The following ZNF292 variants were observed in gnomAD, a reference collection of about 807,000 sequenced individuals.
ZNF292 encodes the protein zinc finger protein 292.
In ZNF292, 26 loss-of-function variants were observed where a neutral mutation model predicts 217.9. The ratio of observed to expected loss-of-function variants is 0.12; its 90% CI spans 0.09 to 0.17. The LOEUF (loss-of-function observed/expected upper bound fraction) is 0.17. Ranked by LOEUF, ZNF292 falls within the 10% of genes least tolerant of loss-of-function variation. The probability of loss-of-function intolerance (pLI) is 1.00; values close to 1 mark genes in which losing one functional copy is unlikely to be tolerated. For synonymous variants in ZNF292, 1,257 were observed against 1,124.1 expected (o/e 1.12, Z -2.37); for missense variants, 2,904 against 3,175.2 (o/e 0.91, Z 2.05).
chr6:87,213,423 G>C (rs1450233708), intron 1 of ZNF292, among the ~76,000 whole-genome samples: 1 of 152,202 alleles, frequency 6.6e-6, no homozygotes, highest in African/African-American at 2.4e-5. Context: ...AGGAGTTCTT[G>C]TTCCTGACGC....
At position 87,261,563 on chromosome 6, in the gene ZNF292, G is replaced by C. The variant is rs201876927; in HGVS notation, c.7934G>C (p.Cys2645Ser). Residue 2645 changes from cysteine (C) to serine (S), a missense_variant, in exon 8 of 8, where the codon TGT becomes TCT. Coordinates refer to ENST00000369577, the MANE Select transcript of ZNF292 (RefSeq NM_015021.3). ...ACTAGTGGAAATCATGTATGTCCTT[G>C]TAAAGAAAGCGAAACGTTTGTACAG... Reference protein sequence around the residue: ...AVTSGNHVCPCKESETFVQFA... With the variant: ...AVTSGNHVCPSKESETFVQFA... 429 of 1,610,236 alleles carry C rather than the reference G, an allele frequency of 2.7e-4. No individual in the cohort carries two copies. Among genetic ancestry groups the C allele is most frequent in the Admixed American group, 3.7e-4 (22 of 59,360 alleles).
intron 6 of ZNF292, among the ~76,000 whole-genome samples, chr6:87,243,913 T>A (rs543948788): frequency 4.0e-4 from 61 of 152,332 alleles, no homozygotes; most frequent in African/African-American, 1.4e-3. Context: ...AACATTTTTT[T>A]AGATATGTAA....
intron 3 of ZNF292, among the ~76,000 whole-genome samples, chr6:87,216,850 A>T (rs1025370686): frequency 6.6e-6 from 1 of 152,032 alleles, no homozygotes; most frequent in Non-Finnish European, 1.5e-5. Flanking sequence ...AGTTATTCGA[A>T]CTAAGGTTCT....
intron 1 of ZNF292, among the ~76,000 whole-genome samples, chr6:87,213,424 T>C (rs1013453586): frequency 1.3e-5 from 2 of 152,230 alleles, no homozygotes; most frequent in African/African-American, 4.8e-5. Flanking sequence ...GGAGTTCTTG[T>C]TCCTGACGCA....
At chr6:87,174,105 T>A (rs1771200156) in intron 1 of ZNF292, 1 of 162,212 alleles carries the variant, frequency 6.2e-6, no homozygotes, top group African/African-American at 2.6e-5. Context: ...GTGCAGGAGC[T>A]TCACATTAAG....
At chr6:87,196,403 T>C (rs1303444894) in intron 1 of ZNF292, among the ~76,000 whole-genome samples, 1 of 152,216 alleles carries the variant, frequency 6.6e-6, no homozygotes, top group Non-Finnish European at 1.5e-5. Flanking sequence ...CTTTTGACTG[T>C]TTACTTTTGT....
Position 87,155,636 on chromosome 6 carries a change from A to C in ZNF292, c.45A>C (p.Glu15Asp), listed in dbSNP as rs1228282485. The C allele has an allele frequency of 1.9e-6, 3 of 1,582,988 alleles. No individual in the cohort carries two copies. The highest frequency in any genetic ancestry group is 2.7e-5 in the African/African-American group (2 of 74,580). Residue 15 changes from glutamate (E) to aspartate (D), a missense_variant, in exon 1 of 8, where the codon GAA becomes GAC. Around this residue, in one of 15 missense-constraint regions of ZNF292, gnomAD observed 66 missense variants for 44.1 expected, o/e 1.50. Coordinates refer to ENST00000369577, the MANE Select transcript of ZNF292 (RefSeq NM_015021.3). ...AGCAGGAGAGGTTGAGTTGCGGCGA[A>C]GGCGGCTGCGTCGCGGAGCTGCAGC... ...EAEQERLSCG[E>D]GGCVAELQRL...
intron 4 of ZNF292, among the ~76,000 whole-genome samples, chr6:87,230,147 T>C (rs1432141729): frequency 1.3e-5 from 2 of 152,110 alleles, no homozygotes; most frequent in Non-Finnish European, 2.9e-5. Context: ...ACTGAATAGA[T>C]GGAAATGTGG....
At chr6:87,191,227 A>T (rs1771811395) in intron 1 of ZNF292, among the ~76,000 whole-genome samples, 1 of 152,150 alleles carries the variant, frequency 6.6e-6, no homozygotes. Context: ...GGCCCACACT[A>T]GAAGAATTGT....
intron 6 of ZNF292, 143 bp from the exon 7 acceptor site, chr6:87,245,360 T>C: frequency 2.1e-6 from 1 of 467,936 alleles, no homozygotes; most frequent in Non-Finnish European, 3.7e-6. Flanking sequence ...AATTGGGATC[T>C]GTTTTCTTGC....
At chr6:87,248,016 T>G (rs546866799) in intron 7 of ZNF292, among the ~76,000 whole-genome samples, 22 of 152,332 alleles carry the variant, frequency 1.4e-4, no homozygotes, top group Non-Finnish European at 2.9e-4. Context: ...TAAGTATTAA[T>G]AAATCAGAAC....
chr6:87,182,407 G>C (rs1225959980), intron 1 of ZNF292, among the ~76,000 whole-genome samples: 1 of 152,094 alleles, frequency 6.6e-6, no homozygotes, highest in Non-Finnish European at 1.5e-5. Flanking sequence ...GAGTAAATTA[G>C]CAAATGACAG....
At chr6:87,172,909 AAAAAAATTTTTTTTTAATT>A (rs1468503637) in intron 1 of ZNF292, among the ~76,000 whole-genome samples, 2 of 151,928 alleles carry the variant, frequency 1.3e-5, no homozygotes, top group East Asian at 3.9e-4. Flanking sequence ...CTCAAAAAAA[AAAAAAATTTTTTTTTAATT>A]AAAAAATGAA....
Position 87,263,985 on chromosome 6 carries a change from T to C in ZNF292, c.*2184T>C, listed in dbSNP as rs1018295268. 1.3e-5 allele frequency: 2 copies of C among 152,126 alleles called. No homozygotes were observed. Among genetic ancestry groups the C allele is most frequent in the African/African-American group, 4.8e-5 (2 of 41,444 alleles). The allele number at this position is 152,126 out of a possible 1,614,324, so 9.4% of individuals were successfully genotyped here. On this transcript the variant is annotated 3_prime_UTR_variant, in exon 8 of 8. Transcript: ENST00000369577. Reference sequence around the variant, plus strand: ...ACATTTCTAATTGTTTTACATGTCATGGGGAAGAGTTTGCCAACATTTAAT... The same window carrying C: ...ACATTTCTAATTGTTTTACATGTCACGGGGAAGAGTTTGCCAACATTTAAT...
At chr6:87,176,373 G>T (rs1478502276) in intron 1 of ZNF292, among the ~76,000 whole-genome samples, 1 of 152,198 alleles carries the variant, frequency 6.6e-6, no homozygotes, top group Non-Finnish European at 1.5e-5. Context: ...AGGCCTGTTT[G>T]TGCAGATTCT....
Position 87,265,643 on chromosome 6 carries a change from GT to G in ZNF292, c.*3844del, listed in dbSNP as rs1459734456. ...CTGAGAACATTTTTCTTCTTTTAAT[GT>G]TAATACTTAGTTATATCCCACTGAA... is the stretch of plus-strand genomic sequence containing the variant. On this transcript the variant is annotated 3_prime_UTR_variant, in exon 8 of 8. Coordinates refer to ENST00000369577, the MANE Select transcript of ZNF292 (RefSeq NM_015021.3). 6.6e-6 allele frequency among the ~76,000 whole-genome samples: 1 copy of G among 152,156 alleles called. No individual in the cohort carries two copies. The highest frequency in any genetic ancestry group is 1.5e-5 in the Non-Finnish European group (1 of 68,032).
intron 4 of ZNF292, among the ~76,000 whole-genome samples, chr6:87,222,224 G>A (rs4111167): frequency 6.6e-6 from 1 of 151,928 alleles, no homozygotes; most frequent in Admixed American, 6.6e-5. Context: ...TTGGCATCCA[G>A]GTTCTTCATC....
chr6:87,174,511 G>GT (rs1174195426), intron 1 of ZNF292, among the ~76,000 whole-genome samples: 2 of 152,160 alleles, frequency 1.3e-5, no homozygotes, highest in Admixed American at 1.3e-4. Flanking sequence ...CATGAGGGGA[G>GT]TTAAAGTGTA....
At chr6:87,174,097 G>GA in intron 1 of ZNF292, 1 of 169,222 alleles carries the variant, frequency 5.9e-6, no homozygotes, top group African/African-American at 2.4e-5. Flanking sequence ...TCAGAATAGT[G>GA]CAGGAGCTTC....
Sources: allele counts gnomAD v4.1 joint callset (sites outside exome capture counted in the v4.1 genomes callset), GRCh38; gene constraint gnomAD v4.1.1; regional missense constraint gnomAD v4.1.1; transcripts MANE v1.5; gene names NCBI Gene and HGNC (gene_info 2026-07-23, HGNC 2026-07-21).